TBC1D5: variants seen among roughly 807,000 people sequenced by gnomAD.
The protein encoded by TBC1D5 is TBC1 domain family, member 5.
A neutral mutation model predicts 100.3 loss-of-function variants in TBC1D5; 75 were observed. The observed-to-expected ratio is 0.75, with a 90% confidence interval of 0.62 to 0.91. The LOEUF (loss-of-function observed/expected upper bound fraction) is 0.91. Ranked by LOEUF, TBC1D5 falls within the 40% of genes least tolerant of loss-of-function variation. The pLI is 0.00. For synonymous variants in TBC1D5, 323 were observed against 325.6 expected (o/e 0.99, Z 0.09); for missense variants, 910 against 942.4 (o/e 0.97, Z 0.45).
rs532926133 is a variant in TBC1D5, at chr3:17,706,040, C to G, written c.-101+33303G>C. 4 of 1,565,034 alleles carry G rather than the reference C, an allele frequency of 2.6e-6. No individual in the cohort carries two copies. In the East Asian group the frequency reaches 9.6e-5, roughly 37 times the overall value. Reference sequence around the variant, plus strand: ...ACCCAGCCTGGACTTACACCATGTTCTTTAAGGTGGGAGCCTACTGATTTC... The same window carrying G: ...ACCCAGCCTGGACTTACACCATGTTGTTTAAGGTGGGAGCCTACTGATTTC... On this transcript the variant is annotated intron_variant, in intron 1 of 21. Coordinates refer to ENST00000253692, the Ensembl canonical transcript of TBC1D5.
intron 1 of TBC1D5, among the ~76,000 whole-genome samples, chr3:17,628,900 T>C (rs938340326): frequency 3.3e-5 from 5 of 152,234 alleles, no homozygotes; most frequent in Admixed American, 3.3e-4. Context: ...GTGAACTCAG[T>C]GATAATAAAT....
chr3:17,360,192 T>C (rs2091572376), intron 13 of TBC1D5, among the ~76,000 whole-genome samples: 1 of 152,028 alleles, frequency 6.6e-6, no homozygotes, highest in Non-Finnish European at 1.5e-5. Context: ...ACTAAATATA[T>C]TTCTGGGAAA....
At chr3:17,509,168 T>C (rs144782176) in intron 2 of TBC1D5, among the ~76,000 whole-genome samples, 1,655 of 151,892 alleles carry the variant, frequency 0.011, 34 homozygotes, top group African/African-American at 0.037. Context: ...TCCTCCCCAG[T>C]TTAAAGAAAA....
intron 1 of TBC1D5, among the ~76,000 whole-genome samples, chr3:17,721,637 A>G (rs1324034539): frequency 6.6e-6 from 1 of 152,008 alleles, no homozygotes; most frequent in South Asian, 2.1e-4. Context: ...GTGCCACTAC[A>G]CTCTAGCCTG....
chr3:17,600,831 G>GT (rs371437047), intron 2 of TBC1D5, among the ~76,000 whole-genome samples: 2 of 151,798 alleles, frequency 1.3e-5, no homozygotes, highest in African/African-American at 4.8e-5. Context: ...ACCGGGCGGG[G>GT]GAAAAAAACT....
At chr3:17,326,554 C>T (rs766702021) in intron 13 of TBC1D5, among the ~76,000 whole-genome samples, 21 of 152,126 alleles carry the variant, frequency 1.4e-4, no homozygotes, top group Non-Finnish European at 2.8e-4. Context: ...CTTACTGCAG[C>T]CTCAACCTTT....
intron 13 of TBC1D5, among the ~76,000 whole-genome samples, chr3:17,321,717 G>C (rs947218523): frequency 3.3e-5 from 5 of 152,088 alleles, no homozygotes; most frequent in African/African-American, 1.2e-4. Context: ...AGAGTTTTAT[G>C]ATTTTCTGTG....
chr3:17,379,874 TTCTCTC>T (rs201405856), intron 9 of TBC1D5, among the ~76,000 whole-genome samples: 1 of 150,804 alleles, frequency 6.6e-6, no homozygotes, highest in Non-Finnish European at 1.5e-5. Context: ...TGATTGTGGT[TTCTCTC>T]TCTCTCTCTC....
intron 16 of TBC1D5, among the ~76,000 whole-genome samples, chr3:17,242,591 T>C (rs1213953150): frequency 2.6e-5 from 4 of 152,112 alleles, no homozygotes; most frequent in African/African-American, 4.8e-5. Context: ...AAGCTACACA[T>C]ATGCTTGGTT....
intron 13 of TBC1D5, among the ~76,000 whole-genome samples, chr3:17,362,814 A>T (rs137957529): frequency 6.2e-4 from 95 of 152,294 alleles, no homozygotes; most frequent in Non-Finnish European, 1.1e-3. Flanking sequence ...AGATAATTGT[A>T]CCTTCACATA....
chr3:17,653,017 A>G (rs1174626632), intron 1 of TBC1D5, among the ~76,000 whole-genome samples: 2 of 152,222 alleles, frequency 1.3e-5, no homozygotes, highest in Non-Finnish European at 2.9e-5. Context: ...GACAAACCTT[A>G]AAAACACTGC....
intron 1 of TBC1D5, among the ~76,000 whole-genome samples, chr3:17,735,773 A>T (rs917272907): frequency 6.6e-6 from 1 of 152,210 alleles, no homozygotes; most frequent in Non-Finnish European, 1.5e-5. Flanking sequence ...ACCCTGCTGG[A>T]TCTGGAGGGG....
rs2095390184 is a variant in TBC1D5 at position 17,472,551 on chromosome 3, G to A, written c.97+35923C>T. 3.3e-5 allele frequency among the ~76,000 whole-genome samples: 5 copies of A among 151,922 alleles called. 1 individual carries two copies. Among genetic ancestry groups the A allele is most frequent in the South Asian group, 4.1e-4 (2 of 4,826 alleles). On this transcript the variant is annotated intron_variant, in intron 3 of 21. Transcript: ENST00000253692. Reference sequence around the variant, plus strand: ...AATTCATTTCCTACCCTTCTCCCAGGCTTTATATTTCTCCATAGCACTTAT... The same window carrying A: ...AATTCATTTCCTACCCTTCTCCCAGACTTTATATTTCTCCATAGCACTTAT...
chr3:17,438,123 C>T (rs2094570179), intron 3 of TBC1D5, among the ~76,000 whole-genome samples: 1 of 152,168 alleles, frequency 6.6e-6, no homozygotes, highest in Admixed American at 6.5e-5. Context: ...CACAGACCAC[C>T]TGGATCTCAA....
At chr3:17,288,542 T>C (rs1455790568) in intron 15 of TBC1D5, among the ~76,000 whole-genome samples, 1 of 152,202 alleles carries the variant, frequency 6.6e-6, no homozygotes, top group African/African-American at 2.4e-5. Flanking sequence ...TTTACACTGT[T>C]GTGCCCACCT....
At chr3:17,305,717 A>G (rs1275048700) in intron 14 of TBC1D5, among the ~76,000 whole-genome samples, 1 of 152,174 alleles carries the variant, frequency 6.6e-6, no homozygotes, top group African/African-American at 2.4e-5. Flanking sequence ...CCAGTCACTC[A>G]TACCTCCAAG....
chr3:17,289,406 A>G (rs1447013885), intron 15 of TBC1D5, among the ~76,000 whole-genome samples: 3 of 151,972 alleles, frequency 2.0e-5, no homozygotes, highest in Admixed American at 2.0e-4. Context: ...ACTGAGAGAG[A>G]TCCTGCGTCA....
chr3:17,509,925 T>C (rs2153232429), intron 2 of TBC1D5, among the ~76,000 whole-genome samples: 1 of 152,136 alleles, frequency 6.6e-6, no homozygotes, highest in South Asian at 2.1e-4. Context: ...TTAAATTATT[T>C]TCAACTTCCA....
chr3:17,538,086 A>G (rs1035261312), intron 2 of TBC1D5, among the ~76,000 whole-genome samples: 8 of 152,296 alleles, frequency 5.3e-5, no homozygotes, highest in Admixed American at 3.9e-4. Flanking sequence ...TAGGTATGTC[A>G]GAGTAGGTAG....
Sources: allele counts gnomAD v4.1 joint callset (sites outside exome capture counted in the v4.1 genomes callset), GRCh38; gene constraint gnomAD v4.1.1; transcripts MANE v1.5; gene names NCBI Gene and HGNC (gene_info 2026-07-23, HGNC 2026-07-21).